The following SYNE3 variants were observed in gnomAD, a reference collection of about 807,000 sequenced individuals.
SYNE3 encodes the protein spectrin repeat containing nuclear envelope family member 3, also known as nesprin-3.
SYNE3 carries 100 observed loss-of-function variants against 111.2 expected under a neutral mutation model. That is an observed-to-expected ratio of 0.90 (90% confidence interval 0.77 to 1.06). The LOEUF is 1.06. Ranked by LOEUF, SYNE3 falls within the 50% of genes least tolerant of loss-of-function variation. The pLI, the probability that SYNE3 is intolerant of heterozygous loss-of-function variation, is 0.00. For missense variants in SYNE3, 1,160 were observed against 1,240.3 expected, an observed-to-expected ratio of 0.94 and a Z score of 0.97; for synonymous variants, 547 against 533.9, an observed-to-expected ratio of 1.02 and a Z score of -0.34.
Position 95,417,442 on chromosome 14 carries a change from T to C in SYNE3, c.*384A>G, listed in dbSNP as rs1903616064. The C allele has an allele frequency of 1.5e-5, 4 of 263,340 alleles. No individual in the cohort carries two copies. The Admixed American group carries it at 1.9e-4, about 12-fold the overall frequency. 16.3% of individuals were successfully genotyped at this position (263,340 alleles called of 1,614,324 possible). A position where few individuals can be genotyped will look rare whatever the true frequency, so the allele number is the denominator to read the frequency against. On this transcript the variant is annotated 3_prime_UTR_variant, in exon 18 of 18. Coordinates refer to ENST00000682763, the MANE Select transcript of SYNE3 (RefSeq NM_152592.6). Reference sequence around the variant, plus strand: ...AGGTTGCCATGAAAGTGACATGTTATTGTTCTTGCTTTCTAGGGTTGACTG... The same window carrying C: ...AGGTTGCCATGAAAGTGACATGTTACTGTTCTTGCTTTCTAGGGTTGACTG...
intron 2 of SYNE3, among the ~76,000 whole-genome samples, chr14:95,475,268 G>T (rs1001807450): frequency 2.0e-4 from 30 of 152,250 alleles, no homozygotes; most frequent in Non-Finnish European, 5.9e-5. Flanking sequence ...TCTGGAGGAA[G>T]ACCTTGGCCA....
intron 1 of SYNE3, among the ~76,000 whole-genome samples, chr14:95,487,409 C>T (rs886551987): frequency 2.0e-5 from 3 of 152,086 alleles, no homozygotes; most frequent in Non-Finnish European, 4.4e-5. Context: ...GACCCGGAGC[C>T]GGCACTTCCA....
At chr14:95,452,449 G>A in intron 6 of SYNE3, 66 bp from the exon 7 acceptor site, 1 of 1,490,812 alleles carries the variant, frequency 6.7e-7, no homozygotes, top group Non-Finnish European at 9.0e-7. Flanking sequence ...TGTGTGTGCA[G>A]GAGGGTGAGC....
chr14:95,417,985 C>A lies in SYNE3; in HGVS notation c.2769G>T (p.Ala923=), dbSNP rs144473753. The part of the protein sequence containing the change: ...WRGLGSLFRR[A]CCVALPLQLL... ...GCTGCAGTGGGAGCGCCACACAGCA[C>A]GCCCTCCGGAAGAGGGAGCCCAGTC... Residue 923 remains alanine (A), a synonymous_variant, in exon 18 of 18, where the codon GCG becomes GCT. Coordinates refer to ENST00000682763, the MANE Select transcript of SYNE3 (RefSeq NM_152592.6). 1 of 1,612,640 alleles carries A rather than the reference C, an allele frequency of 6.2e-7. No homozygotes were observed. Among genetic ancestry groups the A allele is most frequent in the Non-Finnish European group, 8.5e-7 (1 of 1,179,850 alleles).
intron 6 of SYNE3, among the ~76,000 whole-genome samples, chr14:95,454,985 A>G (rs1034163640): frequency 5.3e-5 from 8 of 152,110 alleles, no homozygotes; most frequent in Admixed American, 3.3e-4. Flanking sequence ...TGATCTCCAC[A>G]TTAAGAGTTT....
intron 7 of SYNE3, 47 bp downstream of exon 7, chr14:95,452,200 G>A: frequency 6.7e-7 from 1 of 1,484,226 alleles, no homozygotes; most frequent in Non-Finnish European, 9.0e-7. Context: ...GGGAAATGTG[G>A]GTTCCAGCAC....
At chr14:95,442,975 C>G (rs1886489353) in intron 11 of SYNE3, among the ~76,000 whole-genome samples, 180 bp downstream of exon 11, 2 of 152,048 alleles carry the variant, frequency 1.3e-5, no homozygotes, top group Admixed American at 1.3e-4. Context: ...CACTGCCTGG[C>G]ATATGGGAGG....
Position 95,439,048 on chromosome 14 carries a change from G to A in SYNE3, c.2361C>T (p.Pro787=). The change falls in exon 14 of 18, where the codon CCC becomes CCT. Residue 787 remains proline (P), a synonymous_variant. Transcript: ENST00000682763. ...GFLINPMDPI[P]RHRRRANLLQ... Reference sequence around the variant, plus strand: ...ACAGACTCACGCGTCGACGATGCCTGGGAATAGGATCCATGGGATTGATGA... The same window carrying A: ...ACAGACTCACGCGTCGACGATGCCTAGGAATAGGATCCATGGGATTGATGA... The A allele has an allele frequency of 1.9e-6, 3 of 1,614,224 alleles. No homozygotes were observed. Among genetic ancestry groups the A allele is most frequent in the Non-Finnish European group, 2.5e-6 (3 of 1,180,040 alleles).
intron 2 of SYNE3, among the ~76,000 whole-genome samples, chr14:95,468,406 G>A (rs1015201123): frequency 1.3e-5 from 2 of 152,200 alleles, no homozygotes; most frequent in African/African-American, 2.4e-5. Context: ...GGGGGACTGC[G>A]AGGAGCTGGC....
At chr14:95,441,087 C>T (rs1235154895) in intron 11 of SYNE3, among the ~76,000 whole-genome samples, 1 of 152,160 alleles carries the variant, frequency 6.6e-6, no homozygotes, top group African/African-American at 2.4e-5. Flanking sequence ...CTGCCATGAA[C>T]CAGTCAGACC....
At position 95,409,009 on chromosome 14, in the gene SYNE3, G is replaced by A. The variant is rs1185509344; in HGVS notation, c.*8817C>T. 2.6e-6 allele frequency: 1 copy of A among 386,700 alleles called. No individual in the cohort carries two copies. The highest frequency in any genetic ancestry group is 2.1e-5 in the African/African-American group (1 of 48,116). The allele number at this position is 386,700 out of a possible 1,614,324, so 24.0% of individuals were successfully genotyped here. Reference sequence around the variant, plus strand: ...GTGGGAGTCAACGGACTTCCCCGCAGGAGTGGGCACAGGAGGAAAGCAGCA... The same window carrying A: ...GTGGGAGTCAACGGACTTCCCCGCAAGAGTGGGCACAGGAGGAAAGCAGCA... On this transcript the variant is annotated 3_prime_UTR_variant, in exon 18 of 18. Coordinates refer to ENST00000682763, the MANE Select transcript of SYNE3 (RefSeq NM_152592.6).
At chr14:95,511,571 TG>T (rs1049771418) in intron 1 of SYNE3, among the ~76,000 whole-genome samples, 1 of 151,858 alleles carries the variant, frequency 6.6e-6, no homozygotes, top group African/African-American at 2.4e-5. Context: ...TAAAATTAGC[TG>T]GGCATGGTGG....
intron 1 of SYNE3, among the ~76,000 whole-genome samples, chr14:95,492,396 G>A (rs142678186): frequency 9.1e-4 from 139 of 152,342 alleles, no homozygotes; most frequent in South Asian, 2.5e-3. Flanking sequence ...TAAGGAAATC[G>A]TGGTCTATCC....
At position 95,466,135 on chromosome 14, in the gene SYNE3, C is replaced by CTCG; in HGVS notation, c.420_422dup (p.Ile140_Glu141insAsp). The CTCG allele has an allele frequency of 6.2e-7, 1 of 1,612,472 alleles. No homozygotes were observed. Among genetic ancestry groups the CTCG allele is most frequent in the Non-Finnish European group, 8.5e-7 (1 of 1,178,702 alleles). On this transcript the variant is annotated inframe_insertion, in exon 4 of 18. Transcript: ENST00000682763. ...GCTTCTCCTTCAGGCCCAGCTGGAG[C>CTCG]TCGATGTGGGGCTCCAGTGTGACCA...
chr14:95,488,021 T>A lies in SYNE3; in HGVS notation c.-14-12186A>T, dbSNP rs554131208. Among the ~76,000 whole-genome samples the A allele has an allele frequency of 6.0e-4, 92 of 152,336 alleles. 1 individual carries two copies. The highest frequency in any genetic ancestry group is 4.8e-3 in the South Asian group (23 of 4,824). On this transcript the variant is annotated intron_variant, in intron 1 of 17. Coordinates refer to ENST00000682763, the MANE Select transcript of SYNE3 (RefSeq NM_152592.6). Reference sequence around the variant, plus strand: ...TCATAAACAGTAAATACATTTTCTCTTTCTTATGATTTTCTTAATATCATT... The same window carrying A: ...TCATAAACAGTAAATACATTTTCTCATTCTTATGATTTTCTTAATATCATT...
At chr14:95,514,074 C>G (rs1890820960) in intron 1 of SYNE3, among the ~76,000 whole-genome samples, 1 of 152,046 alleles carries the variant, frequency 6.6e-6, no homozygotes, top group Non-Finnish European at 1.5e-5. Context: ...CCCACGAACA[C>G]ATTTGAGTCC....
intron 1 of SYNE3, among the ~76,000 whole-genome samples, chr14:95,504,658 C>T (rs1595262369): frequency 1.3e-5 from 2 of 152,266 alleles, no homozygotes; most frequent in Non-Finnish European, 2.9e-5. Flanking sequence ...TTCCCAGGGC[C>T]TCACGGTGTG....
Position 95,408,170 on chromosome 14 carries a change from C to G in SYNE3, c.*9656G>C, listed in dbSNP as rs1189858189. 1 of 152,058 alleles carries G rather than the reference C, an allele frequency of 6.6e-6. No individual in the cohort carries two copies. Among genetic ancestry groups the G allele is most frequent in the Non-Finnish European group, 1.5e-5 (1 of 68,024 alleles). The allele number at this position is 152,058 out of a possible 1,614,324, so 9.4% of individuals were successfully genotyped here. A position where few individuals can be genotyped will look rare whatever the true frequency, so the allele number is the denominator to read the frequency against. On this transcript the variant is annotated 3_prime_UTR_variant, in exon 18 of 18. Transcript: ENST00000682763. ...GGGTTCTGAGGAGACATGGGGCCCT[C>G]CCATGGGACGGATGACAAATGAAAC...
At chr14:95,455,768 G>C (rs773585724) in intron 5 of SYNE3, 44 bp from the exon 6 acceptor site, 1 of 1,583,488 alleles carries the variant, frequency 6.3e-7, no homozygotes. Context: ...CAGGGAAAAA[G>C]AATACAGTTG....
Sources: gnomAD v4.1 joint callset for allele counts (sites outside exome capture counted in the v4.1 genomes callset) on GRCh38, gnomAD v4.1.1 for gene constraint, MANE v1.5 for transcripts, NCBI Gene and HGNC (gene_info 2026-07-23, HGNC 2026-07-21) for gene names.